CNTNAP5: variants seen among roughly 807,000 people sequenced by gnomAD.
CNTNAP5 encodes the protein contactin associated protein family member 5, also known as contactin-associated protein-like 5.
In CNTNAP5, 72 loss-of-function variants were observed where a neutral mutation model predicts 150.2. The observed-to-expected ratio is 0.48, with a 90% CI of 0.40 to 0.58. The LOEUF is 0.58. Among genes scored for constraint, CNTNAP5 ranks in the 20% least tolerant of loss-of-function variants. The pLI is 0.00. For missense variants in CNTNAP5, 1,636 were observed against 1,626.2 expected (o/e 1.01, Z -0.10); for synonymous variants, 672 against 619.8 (o/e 1.08, Z -1.25).
chr2:124,214,418 T>C (rs1366920827), intron 1 of CNTNAP5, among the ~76,000 whole-genome samples: 2 of 152,338 alleles, frequency 1.3e-5, no homozygotes, highest in East Asian at 1.9e-4. Context: ...CCAGTCACTA[T>C]TGCAGTGCAG....
intron 21 of CNTNAP5, among the ~76,000 whole-genome samples, chr2:124,890,201 A>G (rs1388645014): frequency 6.6e-6 from 1 of 152,058 alleles, no homozygotes; most frequent in Non-Finnish European, 1.5e-5. Context: ...CAGCTCAGTT[A>G]CAACCTCCAC....
At chr2:124,813,319 C>T (rs1317564546) in intron 19 of CNTNAP5, among the ~76,000 whole-genome samples, 2 of 152,036 alleles carry the variant, frequency 1.3e-5, no homozygotes, top group East Asian at 3.9e-4. Context: ...CCTCGTGATC[C>T]ACCCACCTTG....
At chr2:124,252,758 C>G (rs983731248) in intron 3 of CNTNAP5, among the ~76,000 whole-genome samples, 1 of 152,034 alleles carries the variant, frequency 6.6e-6, no homozygotes, top group Non-Finnish European at 1.5e-5. Flanking sequence ...CTTTTTATAA[C>G]ATTGCTAAAA....
At chr2:124,430,401 T>C (rs1290462132) in intron 4 of CNTNAP5, among the ~76,000 whole-genome samples, 1 of 152,218 alleles carries the variant, frequency 6.6e-6, no homozygotes, top group Non-Finnish European at 1.5e-5. Flanking sequence ...AAAAAACATC[T>C]AGAGAATTGC....
chr2:124,588,640 A>T (rs1033013582), intron 11 of CNTNAP5, among the ~76,000 whole-genome samples: 1 of 152,266 alleles, frequency 6.6e-6, no homozygotes, highest in Non-Finnish European at 1.5e-5. Flanking sequence ...CCTTATTATT[A>T]TGTAAATCTC....
chr2:124,273,521 A>C (rs1003979985), intron 3 of CNTNAP5, among the ~76,000 whole-genome samples: 1 of 152,138 alleles, frequency 6.6e-6, no homozygotes, highest in Non-Finnish European at 1.5e-5. Context: ...TTAGAGTTTC[A>C]GACCAGAATC....
At chr2:124,420,996 C>T (rs1692090145) in intron 4 of CNTNAP5, among the ~76,000 whole-genome samples, 1 of 152,202 alleles carries the variant, frequency 6.6e-6, no homozygotes. Flanking sequence ...TTCACTTAAG[C>T]TCTCAGCAGT....
chr2:124,176,175 G>C (rs1364518735), intron 1 of CNTNAP5, among the ~76,000 whole-genome samples: 1 of 152,158 alleles, frequency 6.6e-6, no homozygotes, highest in African/African-American at 2.4e-5. Flanking sequence ...AGAAGTGATG[G>C]CACATGCTGT....
At chr2:124,384,783 A>G (rs947028048) in intron 3 of CNTNAP5, among the ~76,000 whole-genome samples, 1 of 152,078 alleles carries the variant, frequency 6.6e-6, no homozygotes, top group Admixed American at 6.6e-5. Flanking sequence ...CTGTTATCTG[A>G]TTTCCCCAGC....
At chr2:124,065,454 A>C (rs906045665) in intron 1 of CNTNAP5, among the ~76,000 whole-genome samples, 4 of 150,864 alleles carry the variant, frequency 2.7e-5, no homozygotes, top group South Asian at 2.1e-4. Context: ...GGTATAAAAA[A>C]CCCCCCAGCA....
chr2:124,719,271 A>G (rs1680005166), intron 13 of CNTNAP5, among the ~76,000 whole-genome samples: 1 of 152,182 alleles, frequency 6.6e-6, no homozygotes, highest in African/African-American at 2.4e-5. Context: ...TCCTACAACG[A>G]CCAGCAAATA....
chr2:124,882,743 T>A (rs1469936994), intron 21 of CNTNAP5, among the ~76,000 whole-genome samples: 1 of 152,034 alleles, frequency 6.6e-6, no homozygotes, highest in Admixed American at 6.6e-5. Context: ...TACTTGAGAT[T>A]GGGTAATTTA....
chr2:124,786,389 AAG>A (rs1403622659), intron 17 of CNTNAP5, among the ~76,000 whole-genome samples: 1 of 92,342 alleles, frequency 1.1e-5, no homozygotes, highest in East Asian at 2.6e-4. Context: ...GAAAGAAAGA[AAG>A]AAAGAAAGAA....
chr2:124,157,992 C>A (rs555583388), intron 1 of CNTNAP5, among the ~76,000 whole-genome samples: 1 of 152,152 alleles, frequency 6.6e-6, no homozygotes, highest in Non-Finnish European at 1.5e-5. Context: ...AGCCATAACT[C>A]TGTTCATTTT....
chr2:124,808,945 T>C (rs1316027183), intron 19 of CNTNAP5, among the ~76,000 whole-genome samples: 1 of 151,878 alleles, frequency 6.6e-6, no homozygotes, highest in African/African-American at 2.4e-5. Context: ...AGCCTTATTT[T>C]GTGGCCCTGT....
At chr2:124,753,273 C>T (rs1366210611) in intron 14 of CNTNAP5, among the ~76,000 whole-genome samples, 1 of 152,114 alleles carries the variant, frequency 6.6e-6, no homozygotes, top group African/African-American at 2.4e-5. Flanking sequence ...CACATGGAAT[C>T]CTGGAGCTTT....
chr2:124,405,659 T>TG (rs1457199850), intron 3 of CNTNAP5, among the ~76,000 whole-genome samples: 2 of 152,228 alleles, frequency 1.3e-5, no homozygotes, highest in African/African-American at 4.8e-5. Flanking sequence ...AATGAATTGA[T>TG]GAATGTTCTT....
At chr2:124,795,735 C>T (rs1347522555) in intron 18 of CNTNAP5, among the ~76,000 whole-genome samples, 1 of 152,016 alleles carries the variant, frequency 6.6e-6, no homozygotes, top group African/African-American at 2.4e-5. Context: ...TCAGGCTGGC[C>T]CGAACTCCTG....
intron 19 of CNTNAP5, among the ~76,000 whole-genome samples, chr2:124,856,558 G>A (rs553709845): frequency 1.3e-4 from 20 of 152,262 alleles, no homozygotes; most frequent in African/African-American, 4.8e-4. Flanking sequence ...ATATCGCAAT[G>A]TTGTTTTAAC....
Sources: gnomAD v4.1 joint callset for allele counts (sites outside exome capture counted in the v4.1 genomes callset) on GRCh38, gnomAD v4.1.1 for gene constraint, MANE v1.5 for transcripts, NCBI Gene and HGNC (gene_info 2026-07-23, HGNC 2026-07-21) for gene names.